MYOM1: variants seen among roughly 807,000 people sequenced by gnomAD.
MYOM1 encodes the protein myomesin-1.
Under a neutral mutation model 205.3 loss-of-function variants are expected in MYOM1, and 164 were observed. The ratio of observed to expected loss-of-function variants is 0.80; its 90% CI spans 0.70 to 0.91. The LOEUF is 0.91. Ranked by LOEUF, MYOM1 falls within the 40% of genes least tolerant of loss-of-function variation. The pLI is 0.00. For missense variants in MYOM1, 2,011 were observed against 2,127.3 expected (o/e 0.95, Z 1.08); for synonymous variants, 772 against 789.4 (o/e 0.98, Z 0.37).
intron 17 of MYOM1, 160 bp from the exon 18 acceptor site, chr18:3,129,679 C>T: frequency 1.5e-6 from 1 of 648,936 alleles, no homozygotes. Context: ...TATGGAAAGA[C>T]TACATTTCAC....
the MYOM1 span, among the ~76,000 whole-genome samples, chr18:3,242,206 G>A: frequency 1.3e-5 from 2 of 152,132 alleles, no homozygotes; most frequent in African/African-American, 4.8e-5. Flanking sequence ...AGGGTGGAAG[G>A]ATACGGCTTG....
chr18:3,163,315 G>A (rs1438171539), intron 10 of MYOM1, among the ~76,000 whole-genome samples: 1 of 152,142 alleles, frequency 6.6e-6, no homozygotes, highest in Non-Finnish European at 1.5e-5. Flanking sequence ...ATCTCCACCG[G>A]AACAGTCATA....
chr18:3,153,537 T>G (rs1166395669), intron 11 of MYOM1, among the ~76,000 whole-genome samples: 1 of 152,144 alleles, frequency 6.6e-6, no homozygotes, highest in Non-Finnish European at 1.5e-5. Context: ...CTTTCACTGG[T>G]CAAAGTTTAA....
In MYOM1 at chr18:3,184,831, C is replaced by A. The variant is rs185671065; in HGVS notation, c.929+2649G>T. ...AGAGCACTAACGGAGGTGCAGGGAC[C>A]AGAGGAGGCTCATCCAGTACTTCTG... On this transcript the variant is annotated intron_variant, in intron 5 of 37. Coordinates refer to ENST00000356443, the MANE Select transcript of MYOM1 (RefSeq NM_003803.4). Among the ~76,000 whole-genome samples, 70 of 152,294 alleles carry A rather than the reference C, an allele frequency of 4.6e-4. 1 individual carries two copies. Among genetic ancestry groups the A allele is most frequent in the Non-Finnish European group, 8.4e-4 (57 of 68,022 alleles).
At chr18:3,123,395 C>A (rs1207902397) in intron 19 of MYOM1, among the ~76,000 whole-genome samples, 1 of 151,882 alleles carries the variant, frequency 6.6e-6, no homozygotes. Context: ...TAAAAATATA[C>A]TGAAAATATA....
At position 3,215,729 on chromosome 18, in the gene MYOM1, C is replaced by G. The variant is rs115553889; in HGVS notation, c.-28-478G>C. On this transcript the variant is annotated intron_variant, in intron 1 of 37. Coordinates refer to ENST00000356443, the MANE Select transcript of MYOM1 (RefSeq NM_003803.4). Reference sequence around the variant, plus strand: ...CATAGCCCAGATATGCCCCTCCTGTCATTGTACCTTTTTTTAAAAAAAATT... The same window carrying G: ...CATAGCCCAGATATGCCCCTCCTGTGATTGTACCTTTTTTTAAAAAAAATT... Among the ~76,000 whole-genome samples, 1,282 of 152,196 alleles carry G rather than the reference C, an allele frequency of 8.4e-3. 12 individuals carry two copies. The highest frequency in any genetic ancestry group is 0.029 in the African/African-American group (1,204 of 41,502).
chr18:3,155,417 G>A (rs1478718792), intron 10 of MYOM1, among the ~76,000 whole-genome samples: 6 of 152,108 alleles, frequency 3.9e-5, no homozygotes, highest in East Asian at 3.9e-4. Context: ...GTAGAGATGG[G>A]GTTTCACCGT....
intron 23 of MYOM1, among the ~76,000 whole-genome samples, chr18:3,100,789 G>A (rs1025142048): frequency 4.6e-5 from 7 of 152,078 alleles, no homozygotes; most frequent in Non-Finnish European, 8.8e-5. Flanking sequence ...GGTAACTCTG[G>A]GTGCCTCTCC....
intron 36 of MYOM1, among the ~76,000 whole-genome samples, 193 bp from the exon 37 acceptor site, chr18:3,072,082 ACT>A (rs1157623363): frequency 6.7e-6 from 1 of 149,832 alleles, no homozygotes; most frequent in African/African-American, 2.5e-5. Flanking sequence ...ACAGAGTCTC[ACT>A]CTGTCACCCA....
intron 25 of MYOM1, among the ~76,000 whole-genome samples, chr18:3,098,304 G>T (rs2079331960): frequency 6.6e-6 from 1 of 151,816 alleles, no homozygotes; most frequent in Admixed American, 6.6e-5. Flanking sequence ...TTGAGATGGA[G>T]TCTTGCTCTG....
chr18:3,179,065 T>G lies in MYOM1; in HGVS notation c.930-2931A>C, dbSNP rs1179545561. Among the ~76,000 whole-genome samples, 7 of 152,064 alleles carry G rather than the reference T, an allele frequency of 4.6e-5. No homozygotes were observed. Among genetic ancestry groups the G allele is most frequent in the African/African-American group, 1.7e-4 (7 of 41,392 alleles). On this transcript the variant is annotated intron_variant, in intron 5 of 37. Coordinates refer to ENST00000356443, the MANE Select transcript of MYOM1 (RefSeq NM_003803.4). The surrounding 1 kb of genome is among the most constrained non-coding windows in gnomAD (Gnocchi z 4.4). Reference sequence around the variant, plus strand: ...TCTATTTTTTGTAGAGACAGGCTCTTGCTATGTTGCCTATGCTGGTCTTAA... The same window carrying G: ...TCTATTTTTTGTAGAGACAGGCTCTGGCTATGTTGCCTATGCTGGTCTTAA...
rs751273477 is a variant in MYOM1, at chr18:3,176,047, A to G, written c.1017T>C (p.Ile339=). Residue 339 remains isoleucine (I), a synonymous_variant, in exon 6 of 38, where the codon ATT becomes ATC. Transcript: ENST00000356443. The stretch of plus-strand genomic sequence containing the variant: ...GGACACTAATGTTCTCTTACCCATT[A>G]ATCTCCAGAGTGTGCATCCCATATC... ...ESRYGMHTLE[I]NGCDFEDTAQ... 1.3e-6 allele frequency: 2 copies of G among 1,579,212 alleles called. No individual in the cohort carries two copies. The highest frequency in any genetic ancestry group is 1.7e-6 in the Non-Finnish European group (2 of 1,148,442).
At chr18:3,178,942 C>T (rs1430989912) in intron 5 of MYOM1, among the ~76,000 whole-genome samples, 1 of 151,800 alleles carries the variant, frequency 6.6e-6, no homozygotes, top group Admixed American at 6.6e-5. Context: ...ATTATAGCTC[C>T]CTGCAACCTC....
At chr18:3,206,032 G>A (rs75591941) in intron 2 of MYOM1, among the ~76,000 whole-genome samples, 1,708 of 152,196 alleles carry the variant, frequency 0.011, 30 homozygotes, top group African/African-American at 0.038. Flanking sequence ...ACACAAAGAA[G>A]GAAGGCCAGT....
intron 2 of MYOM1, 27 bp from the exon 3 acceptor site, chr18:3,193,985 A>G (rs775924864): frequency 1.0e-5 from 16 of 1,602,982 alleles, no homozygotes; most frequent in Non-Finnish European, 1.4e-5. Context: ...AACATCAGAC[A>G]GTAACAAAAA....
At chr18:3,158,891 G>A (rs1001122441) in intron 10 of MYOM1, among the ~76,000 whole-genome samples, 2 of 152,222 alleles carry the variant, frequency 1.3e-5, no homozygotes, top group East Asian at 3.9e-4. Context: ...TGGGATTACC[G>A]GCATGAGCCA....
chr18:3,193,361 T>TACATATATATATATACACAC (rs1598758731), intron 3 of MYOM1, among the ~76,000 whole-genome samples: 8 of 135,880 alleles, frequency 5.9e-5, no homozygotes, highest in African/African-American at 2.4e-4. Context: ...TATATATATA[T>TACATATATATATATACACAC]ACACACACAC....
At chr18:3,083,737 C>T (rs893156832) in intron 33 of MYOM1, 52 bp downstream of exon 33, 64 of 1,429,486 alleles carry the variant, frequency 4.5e-5, no homozygotes, top group Admixed American at 1.6e-4. Context: ...TGAGCTGCCG[C>T]GCCTGGCAGG....
intron 10 of MYOM1, among the ~76,000 whole-genome samples, chr18:3,160,373 A>G (rs1403325724): frequency 3.3e-5 from 5 of 151,778 alleles, no homozygotes. Flanking sequence ...TTTTGTAGAG[A>G]TGGGGTCTTG....
Sources: gnomAD v4.1 joint callset for allele counts (sites outside exome capture counted in the v4.1 genomes callset) on GRCh38, gnomAD v4.1.1 for gene constraint, Gnocchi (gnomAD v3.1) non-coding constraint, MANE v1.5 for transcripts, NCBI Gene and HGNC (gene_info 2026-07-23, HGNC 2026-07-21) for gene names.